Variants in SGCZ observed in about 807,000 individuals in gnomAD.
SGCZ encodes sarcoglycan zeta.
SGCZ carries 40 observed loss-of-function variants against 41.3 expected under a neutral mutation model. That is an observed-to-expected ratio of 0.97 (90% CI 0.75 to 1.26). SGCZ has a LOEUF of 1.26. Ranked by LOEUF, SGCZ falls within the 50% of genes most tolerant of loss-of-function variation. The pLI is 0.00. For missense variants in SGCZ, 552 were observed against 369.8 expected, an observed-to-expected ratio of 1.49 and a Z score of -4.04; for synonymous variants, 206 against 137.5, an observed-to-expected ratio of 1.50 and a Z score of -3.49.
intron 6 of SGCZ, among the ~76,000 whole-genome samples, chr8:14,107,750 G>A (rs1802250871): frequency 6.6e-6 from 1 of 151,998 alleles, no homozygotes; most frequent in East Asian, 1.9e-4. Context: ...GCAATCCTCT[G>A]GTCTCAGCCT....
chr8:15,189,089 G>C (rs1158645947), intron 1 of SGCZ, among the ~76,000 whole-genome samples: 2 of 152,102 alleles, frequency 1.3e-5, no homozygotes, highest in African/African-American at 4.8e-5. Flanking sequence ...TTTTTTAAGA[G>C]ATTCAGGAAG....
intron 1 of SGCZ, among the ~76,000 whole-genome samples, chr8:14,855,048 T>G (rs1011043556): frequency 9.3e-5 from 14 of 150,662 alleles, no homozygotes; most frequent in Non-Finnish European, 2.1e-4. Context: ...TCTCCATTAT[T>G]TTATTTATTT....
chr8:14,434,013 T>A (rs866685854), intron 2 of SGCZ, among the ~76,000 whole-genome samples: 1 of 152,338 alleles, frequency 6.6e-6, no homozygotes, highest in Middle Eastern at 3.4e-3. Flanking sequence ...TGCATTTGAT[T>A]TTGGGTTCTT....
intron 1 of SGCZ, among the ~76,000 whole-genome samples, chr8:15,041,246 T>G (rs774191018): frequency 1.7e-4 from 26 of 151,938 alleles, no homozygotes; most frequent in Non-Finnish European, 3.2e-4. Flanking sequence ...AAAGAAATGT[T>G]TTAAACTTTT....
intron 4 of SGCZ, among the ~76,000 whole-genome samples, chr8:14,182,969 C>A (rs7014230): frequency 1.4e-5 from 2 of 148,014 alleles, no homozygotes; most frequent in African/African-American, 2.5e-5. Context: ...GAGATCGTGC[C>A]ATTGCACTCC....
chr8:15,094,747 C>T (rs569017925), intron 1 of SGCZ, among the ~76,000 whole-genome samples: 1 of 152,166 alleles, frequency 6.6e-6, no homozygotes, highest in South Asian at 2.1e-4. Flanking sequence ...GCAGTTTCCC[C>T]CATACTGTTC....
chr8:15,015,242 T>A (rs1473299211), intron 1 of SGCZ, among the ~76,000 whole-genome samples: 1 of 143,256 alleles, frequency 7.0e-6, no homozygotes, highest in Admixed American at 6.9e-5. Flanking sequence ...GACTCCATCT[T>A]AAAAAAAAAA....
intron 5 of SGCZ, among the ~76,000 whole-genome samples, chr8:14,137,680 T>A (rs558604685): frequency 4.5e-4 from 68 of 152,208 alleles, no homozygotes; most frequent in African/African-American, 1.6e-3. Flanking sequence ...TGGGACTTTG[T>A]GAAAAGACCA....
At chr8:14,676,082 T>A (rs1808268214) in intron 1 of SGCZ, among the ~76,000 whole-genome samples, 1 of 152,200 alleles carries the variant, frequency 6.6e-6, no homozygotes. Flanking sequence ...GGAGGAATAA[T>A]TCTCAGGGAT....
At chr8:14,304,184 T>C (rs2116979750) in intron 3 of SGCZ, among the ~76,000 whole-genome samples, 1 of 152,228 alleles carries the variant, frequency 6.6e-6, no homozygotes, top group Admixed American at 6.5e-5. Context: ...AGCTCCCACT[T>C]GTAATTCCAG....
At chr8:15,057,218 T>C (rs1416071151) in intron 1 of SGCZ, among the ~76,000 whole-genome samples, 2 of 152,166 alleles carry the variant, frequency 1.3e-5, no homozygotes, top group African/African-American at 4.8e-5. Context: ...CCAGAAACCC[T>C]CCTTCAAGAA....
intron 2 of SGCZ, among the ~76,000 whole-genome samples, chr8:14,402,136 T>C (rs1427794148): frequency 3.9e-5 from 6 of 152,126 alleles, no homozygotes; most frequent in Non-Finnish European, 7.3e-5. Context: ...GATGGGGTTG[T>C]TTGTTTTCTT....
In SGCZ at chr8:14,315,927, G is replaced by T. The variant is rs1046261440; in HGVS notation, c.336+8176C>A. Among the ~76,000 whole-genome samples the T allele has an allele frequency of 2.6e-5, 4 of 151,696 alleles. No individual in the cohort carries two copies. In the East Asian group the frequency reaches 7.7e-4, roughly 29 times the overall value. ...GAAAAACACAAAAAGGCAACATTAG[G>T]TATTAAATGATATGTCTATGTAAAG... is the stretch of plus-strand genomic sequence containing the variant. On this transcript the variant is annotated intron_variant, in intron 3 of 7. Transcript: ENST00000382080.
At chr8:14,407,411 G>T (rs777728678) in intron 2 of SGCZ, among the ~76,000 whole-genome samples, 12 of 152,032 alleles carry the variant, frequency 7.9e-5, no homozygotes, top group Non-Finnish European at 1.6e-4. Context: ...AAATTTTAAG[G>T]TGGTTGCTAA....
intron 2 of SGCZ, among the ~76,000 whole-genome samples, chr8:14,384,616 A>C (rs999367233): frequency 6.6e-6 from 1 of 152,084 alleles, no homozygotes; most frequent in African/African-American, 2.4e-5. Context: ...CTGGAGTGCA[A>C]TGGCACCATC....
intron 1 of SGCZ, among the ~76,000 whole-genome samples, chr8:15,026,170 G>T (rs1214109246): frequency 6.6e-6 from 1 of 150,692 alleles, no homozygotes; most frequent in Non-Finnish European, 1.5e-5. Context: ...TAATTTGAAT[G>T]AATAAAACAT....
intron 3 of SGCZ, among the ~76,000 whole-genome samples, chr8:14,239,235 T>C (rs967380512): frequency 3.5e-5 from 4 of 114,238 alleles, no homozygotes; most frequent in Non-Finnish European, 6.9e-5. Context: ...ATAAAGATGA[T>C]GGTTCATACA....
intron 3 of SGCZ, among the ~76,000 whole-genome samples, chr8:14,260,002 G>C (rs1182187595): frequency 6.6e-6 from 1 of 152,068 alleles, no homozygotes; most frequent in Admixed American, 6.6e-5. Flanking sequence ...GCAGTGGTTT[G>C]TAGTTCTCCT....
intron 1 of SGCZ, among the ~76,000 whole-genome samples, chr8:15,048,745 C>G (rs1369484002): frequency 6.6e-6 from 1 of 152,024 alleles, no homozygotes; most frequent in Non-Finnish European, 1.5e-5. Flanking sequence ...TCCAAAATGT[C>G]AAATAATCCA....
Sources: gnomAD v4.1 joint callset for allele counts (sites outside exome capture counted in the v4.1 genomes callset) on GRCh38, gnomAD v4.1.1 for gene constraint, MANE v1.5 for transcripts, NCBI Gene and HGNC (gene_info 2026-07-23, HGNC 2026-07-21) for gene names.